Variants in ARHGAP15 observed in about 807,000 individuals in gnomAD.
ARHGAP15 encodes the protein Rho GTPase activating protein 15, also known as rho GTPase-activating protein 15.
In ARHGAP15, 51 loss-of-function variants were observed where a neutral mutation model predicts 63.7. The ratio of observed to expected loss-of-function variants is 0.80; its 90% confidence interval spans 0.64 to 1.01. ARHGAP15 has a LOEUF of 1.01. ARHGAP15 is among the 50% of genes least tolerant of loss of function. ARHGAP15 has a pLI of 0.00. For synonymous variants in ARHGAP15, 191 were observed against 193.8 expected (o/e 0.99, Z 0.12); for missense variants, 560 against 564.6 (o/e 0.99, Z 0.08).
chr2:143,544,633 T>G (rs1007099839), intron 10 of ARHGAP15, among the ~76,000 whole-genome samples: 2 of 152,212 alleles, frequency 1.3e-5, no homozygotes, highest in Non-Finnish European at 2.9e-5. Context: ...TGGAAATGTG[T>G]GTACCACATT....
chr2:143,668,591 A>C (rs942187385), intron 12 of ARHGAP15, among the ~76,000 whole-genome samples: 2 of 152,006 alleles, frequency 1.3e-5, no homozygotes, highest in East Asian at 3.9e-4. Context: ...CTGTTATCTG[A>C]CTCTTCTTTT....
intron 6 of ARHGAP15, among the ~76,000 whole-genome samples, chr2:143,271,309 G>C (rs1681266589): frequency 6.6e-6 from 1 of 152,158 alleles, no homozygotes; most frequent in Non-Finnish European, 1.5e-5. Context: ...GTTACTGAGA[G>C]GTCAACACCA....
At chr2:143,557,224 A>T (rs1695842098) in intron 11 of ARHGAP15, among the ~76,000 whole-genome samples, 1 of 152,160 alleles carries the variant, frequency 6.6e-6, no homozygotes, top group Non-Finnish European at 1.5e-5. Context: ...TAATTGGCAA[A>T]GCTAGAATGC....
intron 4 of ARHGAP15, among the ~76,000 whole-genome samples, chr2:143,218,479 T>A (rs1044513361): frequency 2.0e-5 from 3 of 152,144 alleles, no homozygotes; most frequent in Admixed American, 2.0e-4. Flanking sequence ...AATGTGTGTT[T>A]ATCAAACTCA....
chr2:143,723,156 C>G (rs1354764590), intron 13 of ARHGAP15, among the ~76,000 whole-genome samples: 2 of 152,170 alleles, frequency 1.3e-5, no homozygotes, highest in Admixed American at 6.5e-5. Context: ...GAGCACTAGC[C>G]TAGGTATGTA....
At chr2:143,653,258 TC>T (rs1197520689) in intron 12 of ARHGAP15, among the ~76,000 whole-genome samples, 3 of 152,140 alleles carry the variant, frequency 2.0e-5, no homozygotes, top group Admixed American at 2.0e-4. Flanking sequence ...TTTTTGAGTT[TC>T]ATTAAAATTT....
chr2:143,719,578 T>C (rs1463256611), intron 13 of ARHGAP15, among the ~76,000 whole-genome samples: 1 of 152,158 alleles, frequency 6.6e-6, no homozygotes, highest in Non-Finnish European at 1.5e-5. Flanking sequence ...CCAACTGCCA[T>C]TCCAGAGCCA....
chr2:143,146,849 G>A (rs1025828480), intron 1 of ARHGAP15, among the ~76,000 whole-genome samples: 2 of 152,024 alleles, frequency 1.3e-5, no homozygotes, highest in African/African-American at 4.8e-5. Flanking sequence ...GAGCATTAGG[G>A]AAAGACTAAT....
At chr2:143,243,881 A>G (rs974568418) in intron 5 of ARHGAP15, among the ~76,000 whole-genome samples, 3 of 152,132 alleles carry the variant, frequency 2.0e-5, no homozygotes, top group African/African-American at 7.2e-5. Context: ...TCCTCCAGCT[A>G]CTTATTCTAG....
At chr2:143,758,019 T>C (rs1427516226) in intron 13 of ARHGAP15, among the ~76,000 whole-genome samples, 1 of 152,038 alleles carries the variant, frequency 6.6e-6, no homozygotes, top group East Asian at 1.9e-4. Context: ...GATTTCACTG[T>C]AGCATTGTCT....
At chr2:143,213,222 A>G (rs541946926) in intron 3 of ARHGAP15, among the ~76,000 whole-genome samples, 88 of 152,300 alleles carry the variant, frequency 5.8e-4, no homozygotes, top group Non-Finnish European at 1.0e-3. Context: ...TATTAAAAAG[A>G]CAATGAAAGG....
chr2:143,329,789 C>T (rs1364361012), intron 6 of ARHGAP15, among the ~76,000 whole-genome samples: 1 of 151,764 alleles, frequency 6.6e-6, no homozygotes, highest in African/African-American at 2.4e-5. Context: ...CACCCCCCTC[C>T]GTAGTTCAGC....
intron 2 of ARHGAP15, among the ~76,000 whole-genome samples, chr2:143,181,033 G>C: frequency 6.6e-6 from 1 of 152,184 alleles, no homozygotes; most frequent in East Asian, 1.9e-4. Flanking sequence ...TCCATGAGCT[G>C]CAGAATGGAT....
At chr2:143,330,678 G>C (rs1037944471) in intron 6 of ARHGAP15, among the ~76,000 whole-genome samples, 1 of 152,128 alleles carries the variant, frequency 6.6e-6, no homozygotes, top group African/African-American at 2.4e-5. Context: ...TTCTAATTCA[G>C]TTTGTCCTTA....
intron 11 of ARHGAP15, among the ~76,000 whole-genome samples, chr2:143,618,492 A>G (rs1286127637): frequency 6.6e-6 from 1 of 152,184 alleles, no homozygotes; most frequent in Non-Finnish European, 1.5e-5. Flanking sequence ...TCACTGTATT[A>G]ATGAGATCAG....
chr2:143,670,615 T>C (rs1431471291), intron 12 of ARHGAP15, among the ~76,000 whole-genome samples: 1 of 152,142 alleles, frequency 6.6e-6, no homozygotes, highest in Non-Finnish European at 1.5e-5. Flanking sequence ...CCAGTGGTGG[T>C]GAACACATCA....
intron 6 of ARHGAP15, among the ~76,000 whole-genome samples, chr2:143,292,149 C>T (rs1305453676): frequency 6.6e-6 from 1 of 151,958 alleles, no homozygotes; most frequent in Non-Finnish European, 1.5e-5. Context: ...TTTTAAAATA[C>T]AGTAGCTTGA....
At chr2:143,480,285 C>T (rs1181152948) in intron 8 of ARHGAP15, among the ~76,000 whole-genome samples, 4 of 152,224 alleles carry the variant, frequency 2.6e-5, no homozygotes, top group East Asian at 3.9e-4. Context: ...ACAGTAGACG[C>T]CAGCTGTTCA....
intron 8 of ARHGAP15, chr2:143,437,331 T>C: frequency 3.5e-6 from 1 of 287,092 alleles, no homozygotes; most frequent in South Asian, 4.4e-5. Flanking sequence ...TGATTGATTT[T>C]GAGAGTGGGA....
Sources: allele counts gnomAD v4.1 joint callset (sites outside exome capture counted in the v4.1 genomes callset), GRCh38; gene constraint gnomAD v4.1.1; transcripts MANE v1.5; gene names NCBI Gene and HGNC (gene_info 2026-07-23, HGNC 2026-07-21).